Variants in ZDHHC3 observed in about 807,000 individuals in gnomAD.
ZDHHC3 encodes palmitoyltransferase ZDHHC3.
A neutral mutation model predicts 30.6 loss-of-function variants in ZDHHC3; 9 were observed. That is an observed-to-expected ratio of 0.29 (90% CI 0.18 to 0.51). The LOEUF is 0.51. Among genes scored for constraint, ZDHHC3 ranks in the 20% least tolerant of loss-of-function variants. The probability of loss-of-function intolerance (pLI) is 0.97; values close to 1 mark genes in which losing one functional copy is unlikely to be tolerated. For synonymous variants in ZDHHC3, 136 were observed against 140.2 expected (o/e 0.97, Z 0.21); for missense variants, 246 against 384.2 (o/e 0.64, Z 3.01).
intron 2 of ZDHHC3, among the ~76,000 whole-genome samples, chr3:44,945,551 GTTTTGTT>G (rs1180796693): frequency 1.3e-4 from 20 of 151,768 alleles, no homozygotes; most frequent in African/African-American, 4.4e-4. Context: ...TTTTTGTTTT[GTTTTGTT>G]TTTTGTTTTT....
In ZDHHC3 at chr3:44,922,503, C is replaced by T; in HGVS notation, c.*4186G>A. 1 of 985,398 alleles carries T rather than the reference C, an allele frequency of 1.0e-6. No homozygotes were observed. Among genetic ancestry groups the T allele is most frequent in the Non-Finnish European group, 1.2e-6 (1 of 829,934 alleles). The allele number at this position is 985,398 out of a possible 1,614,324, so 61.0% of individuals were successfully genotyped here. On this transcript the variant is annotated 3_prime_UTR_variant, in exon 7 of 7. Transcript: ENST00000424952. ...CAGTTGTTTGTTGGGGAGGCCGCAG[C>T]TTATGAGGGAAGGCAGTCTCAGTGG...
chr3:44,967,195 T>C (rs1259414186), intron 1 of ZDHHC3, among the ~76,000 whole-genome samples: 1 of 152,254 alleles, frequency 6.6e-6, no homozygotes, highest in Non-Finnish European at 1.5e-5. Context: ...AATTTCCTTC[T>C]TGCCTCATAA....
At chr3:44,933,228 T>C (rs777868002) in intron 4 of ZDHHC3, 29 bp from the exon 5 acceptor site, 30 of 1,606,732 alleles carry the variant, frequency 1.9e-5, no homozygotes, top group African/African-American at 5.4e-5. Flanking sequence ...GCAGACACCA[T>C]TGTTGTGAGA....
rs996745610 is a variant in ZDHHC3, at chr3:44,964,365, C to T, written c.-24-4905G>A. Among the ~76,000 whole-genome samples, 13 of 152,040 alleles carry T rather than the reference C, an allele frequency of 8.6e-5. No homozygotes were observed. The South Asian group carries it at 1.7e-3, about 19-fold the overall frequency. ...CTGCTTACAAAAAGGCAAGGGGGGC[C>T]GGGTGGGCCTGGCAGGAAAATTGGT... On this transcript the variant is annotated intron_variant, in intron 1 of 6. Transcript: ENST00000424952.
In ZDHHC3 at chr3:44,915,753, T is replaced by C. The variant is rs1700121544; in HGVS notation, c.*10936A>G. On this transcript the variant is annotated 3_prime_UTR_variant, in exon 7 of 7. Transcript: ENST00000424952. ...ACATTTCTCAAGGGCCATGTGGTTTTGCAGACACTGCTGTCCTCAGGCCTG... is the reference window on the plus strand; with the variant it reads ...ACATTTCTCAAGGGCCATGTGGTTTCGCAGACACTGCTGTCCTCAGGCCTG... 1 of 152,272 alleles carries C rather than the reference T, an allele frequency of 6.6e-6. No individual in the cohort carries two copies. The highest frequency in any genetic ancestry group is 6.5e-5 in the Admixed American group (1 of 15,282). 9.4% of individuals were successfully genotyped at this position (152,272 alleles called of 1,614,324 possible).
intron 2 of ZDHHC3, among the ~76,000 whole-genome samples, chr3:44,946,350 C>T (rs1702931503): frequency 1.3e-5 from 2 of 152,162 alleles, no homozygotes; most frequent in Admixed American, 6.5e-5. Context: ...TGGCTGTGCA[C>T]CCATCCAAAC....
intron 2 of ZDHHC3, chr3:44,958,786 C>G: frequency 9.9e-7 from 1 of 1,014,302 alleles, no homozygotes; most frequent in Non-Finnish European, 1.4e-6. Flanking sequence ...GCTTTCTGCT[C>G]TGATCATCTG....
chr3:44,918,856 A>T lies in ZDHHC3; in HGVS notation c.*7833T>A, dbSNP rs1289879569. ...ACAGAAAGGGTGTTGGGGTGGGGAG[A>T]TGCCCAGAGGAGGTAAAGACATGGC... On this transcript the variant is annotated 3_prime_UTR_variant, in exon 7 of 7. Coordinates refer to ENST00000424952, the MANE Select transcript of ZDHHC3 (RefSeq NM_001135179.2). 1 of 986,822 alleles carries T rather than the reference A, an allele frequency of 1.0e-6. No individual in the cohort carries two copies. The highest frequency in any genetic ancestry group is 1.1e-4 in the East Asian group (1 of 8,838). 61.1% of individuals were successfully genotyped at this position (986,822 alleles called of 1,614,324 possible).
rs1700714211 is a variant in ZDHHC3 at position 44,923,020 on chromosome 3, C to A, written c.*3669G>T. The A allele has an allele frequency of 3.0e-6, 3 of 985,086 alleles. No homozygotes were observed. The highest frequency in any genetic ancestry group is 3.5e-5 in the African/African-American group (2 of 57,184). 61.0% of individuals were successfully genotyped at this position (985,086 alleles called of 1,614,324 possible). ...TTAGCCTGGCTGAGAAAGCCCATCC[C>A]AGCCCACCCGGAGAGGAGTTTCTGT... On this transcript the variant is annotated 3_prime_UTR_variant, in exon 7 of 7. Coordinates refer to ENST00000424952, the MANE Select transcript of ZDHHC3 (RefSeq NM_001135179.2).
intron 1 of ZDHHC3, among the ~76,000 whole-genome samples, chr3:44,961,494 G>T (rs1704476710): frequency 6.6e-6 from 1 of 152,194 alleles, no homozygotes; most frequent in Non-Finnish European, 1.5e-5. Context: ...GCTATCCAGA[G>T]GACAGTGGCA....
chr3:44,937,637 C>A, intron 3 of ZDHHC3: 1 of 150,016 alleles, frequency 6.7e-6, no homozygotes, highest in South Asian at 2.1e-4. Flanking sequence ...TCGGTTGTCC[C>A]AAATCTGGGT....
rs531415764 is a variant in ZDHHC3 at position 44,927,778 on chromosome 3, A to G, written c.742-931T>C. Among the ~76,000 whole-genome samples the G allele has an allele frequency of 9.8e-5, 15 of 152,356 alleles. 1 individual carries two copies. The South Asian group carries it at 2.7e-3, about 27-fold the overall frequency. ...GGGCCCCTGCCCAGAGGGAAAGGAC[A>G]GGAGCAGCCTGGCAGAAGCCTGGCC... On this transcript the variant is annotated intron_variant, in intron 6 of 6. Coordinates refer to ENST00000424952, the MANE Select transcript of ZDHHC3 (RefSeq NM_001135179.2).
intron 2 of ZDHHC3, among the ~76,000 whole-genome samples, chr3:44,957,897 A>C (rs143215259): frequency 1.3e-5 from 2 of 152,338 alleles, no homozygotes; most frequent in African/African-American, 4.8e-5. Flanking sequence ...GAGCAAAGCA[A>C]TGTTTTTTAC....
chr3:44,945,033 G>A (rs1362523111), intron 3 of ZDHHC3, 135 bp downstream of exon 3: 2 of 1,285,924 alleles, frequency 1.6e-6, no homozygotes, highest in African/African-American at 2.9e-5. Flanking sequence ...GCCCAGAGCA[G>A]GGGACATTTG....
In ZDHHC3 at chr3:44,922,731, C is replaced by A; in HGVS notation, c.*3958G>T. On this transcript the variant is annotated 3_prime_UTR_variant, in exon 7 of 7. Coordinates refer to ENST00000424952, the MANE Select transcript of ZDHHC3 (RefSeq NM_001135179.2). Reference sequence around the variant, plus strand: ...CTGTTAAGACACGGGCTGCTGGGCCCCGCTCGGTTTCTGGTTCGGTAGCCT... The same window carrying A: ...CTGTTAAGACACGGGCTGCTGGGCCACGCTCGGTTTCTGGTTCGGTAGCCT... 1 of 984,818 alleles carries A rather than the reference C, an allele frequency of 1.0e-6. No homozygotes were observed. The highest frequency in any genetic ancestry group is 1.2e-6 in the Non-Finnish European group (1 of 829,440). 61.0% of individuals were successfully genotyped at this position (984,818 alleles called of 1,614,324 possible).
At chr3:44,949,893 TAGCACG>T (rs564794068) in intron 2 of ZDHHC3, among the ~76,000 whole-genome samples, 27 of 152,112 alleles carry the variant, frequency 1.8e-4, no homozygotes, top group Non-Finnish European at 3.5e-4. Context: ...TGGAGTGCAG[TAGCACG>T]ATCTCAGCTC....
intron 2 of ZDHHC3, among the ~76,000 whole-genome samples, chr3:44,953,721 C>T (rs1422061795): frequency 1.3e-5 from 2 of 152,214 alleles, no homozygotes; most frequent in African/African-American, 4.8e-5. Flanking sequence ...GGCTGCTTTC[C>T]TCCCTCTGAA....
chr3:44,970,908 T>C (rs930351497), intron 1 of ZDHHC3, among the ~76,000 whole-genome samples: 1 of 152,222 alleles, frequency 6.6e-6, no homozygotes, highest in African/African-American at 2.4e-5. Flanking sequence ...TTTAAAAACC[T>C]GGCAAGATAC....
At position 44,918,956 on chromosome 3, in the gene ZDHHC3, T is replaced by C; in HGVS notation, c.*7733A>G. 4.1e-6 allele frequency: 4 copies of C among 985,608 alleles called. No individual in the cohort carries two copies. The highest frequency in any genetic ancestry group is 3.6e-6 in the Non-Finnish European group (3 of 830,082). The allele number at this position is 985,608 out of a possible 1,614,324, so 61.1% of individuals were successfully genotyped here. A position where few individuals can be genotyped will look rare whatever the true frequency, so the allele number is the denominator to read the frequency against. Reference sequence around the variant, plus strand: ...TCCACTGGGGGCACTGCTTTCTCCATCTCTTCTGGAAGCCAAGGGAATTTG... The same window carrying C: ...TCCACTGGGGGCACTGCTTTCTCCACCTCTTCTGGAAGCCAAGGGAATTTG... On this transcript the variant is annotated 3_prime_UTR_variant, in exon 7 of 7. Coordinates refer to ENST00000424952, the MANE Select transcript of ZDHHC3 (RefSeq NM_001135179.2).
Sources: allele counts gnomAD v4.1 joint callset (sites outside exome capture counted in the v4.1 genomes callset), GRCh38; gene constraint gnomAD v4.1.1; transcripts MANE v1.5; gene names NCBI Gene and HGNC (gene_info 2026-07-23, HGNC 2026-07-21).